Variants in BCL11B observed in about 807,000 individuals in gnomAD.
The protein encoded by BCL11B is BCL11 transcription factor B.
A neutral mutation model predicts 49.9 loss-of-function variants in BCL11B; 8 were observed. The observed-to-expected ratio is 0.16, with a 90% CI of 0.09 to 0.29. BCL11B has a LOEUF of 0.29. Ranked by LOEUF, BCL11B falls within the 10% of genes least tolerant of loss-of-function variation. The probability of loss-of-function intolerance (pLI) is 1.00; values close to 1 mark genes in which losing one functional copy is unlikely to be tolerated. For missense variants in BCL11B, 1,006 were observed against 1,351.0 expected (o/e 0.74, Z 4.00); for synonymous variants, 739 against 637.4 (o/e 1.16, Z -2.40).
chr14:99,200,780 A>G (rs1256837590), intron 3 of BCL11B, among the ~76,000 whole-genome samples: 2 of 152,192 alleles, frequency 1.3e-5, no homozygotes, highest in African/African-American at 2.4e-5. Context: ...CTGGACAAGA[A>G]GCTTCCAGAG....
At chr14:99,204,353 A>C (rs1261283034) in intron 3 of BCL11B, among the ~76,000 whole-genome samples, 2 of 152,054 alleles carry the variant, frequency 1.3e-5, no homozygotes, top group African/African-American at 4.8e-5. Context: ...CAACCTAGCA[A>C]CTGCCCCCGA....
intron 3 of BCL11B, among the ~76,000 whole-genome samples, chr14:99,193,904 T>C (rs1326398727): frequency 1.3e-5 from 2 of 152,190 alleles, no homozygotes; most frequent in Non-Finnish European, 2.9e-5. Flanking sequence ...CTGACCAATC[T>C]GAAGGATTTT....
At chr14:99,191,274 C>T (rs376340429) in intron 3 of BCL11B, among the ~76,000 whole-genome samples, 1 of 151,992 alleles carries the variant, frequency 6.6e-6, no homozygotes, top group Non-Finnish European at 1.5e-5. Flanking sequence ...TGCACATCTA[C>T]GATGCACAGG....
At chr14:99,246,345 A>G (rs964388178) in intron 2 of BCL11B, among the ~76,000 whole-genome samples, 3 of 152,166 alleles carry the variant, frequency 2.0e-5, no homozygotes, top group African/African-American at 7.2e-5. Flanking sequence ...CCGCCCCACC[A>G]AGGCACAATC....
At chr14:99,206,540 T>G (rs1887538569) in intron 3 of BCL11B, among the ~76,000 whole-genome samples, 1 of 152,222 alleles carries the variant, frequency 6.6e-6, no homozygotes, top group South Asian at 2.1e-4. Flanking sequence ...AGCATATCCA[T>G]GCTGTAAGAC....
rs1351726367 is a variant in BCL11B, at chr14:99,232,566, T to A, written c.428-1009A>T. Among the ~76,000 whole-genome samples the A allele has an allele frequency of 6.6e-6, 1 of 152,082 alleles. No homozygotes were observed. Among genetic ancestry groups the A allele is most frequent in the Non-Finnish European group, 1.5e-5 (1 of 68,004 alleles). On this transcript the variant is annotated intron_variant, in intron 2 of 3. Transcript: ENST00000357195. The surrounding 1 kb of genome is among the most constrained non-coding windows in gnomAD (Gnocchi z 5.1). ...GAGGCCCAGCACAGGTCTGCACGGG[T>A]GGGAGTCTGCCCACTCCAGGGCCCC...
intron 2 of BCL11B, among the ~76,000 whole-genome samples, chr14:99,253,462 G>A (rs966174974): frequency 2.0e-5 from 3 of 152,128 alleles, no homozygotes; most frequent in Admixed American, 6.5e-5. Context: ...AGGGAAAGCC[G>A]AGCGCCAGGA....
intron 1 of BCL11B, among the ~76,000 whole-genome samples, chr14:99,265,075 A>G (rs1889442932): frequency 1.3e-5 from 2 of 152,228 alleles, no homozygotes; most frequent in Admixed American, 6.5e-5. Flanking sequence ...AGTGCCGCAC[A>G]GGACCTCAGG....
At position 99,175,204 on chromosome 14, in the gene BCL11B, C is replaced by T; in HGVS notation, c.1632G>A (p.Leu544=). ...CGGGCCGGCTCTCGTTCTCCAGTAG[C>T]AGCTCCTCCTCCTCCTCCTCCTCCT... is the stretch of plus-strand genomic sequence containing the variant. ...DEEEEEEEEE[L]LLENESRPES... Residue 544 remains leucine, a synonymous_variant, in exon 4 of 4, where the codon CTG becomes CTA. Transcript: ENST00000357195. 1 of 1,562,384 alleles carries T rather than the reference C, an allele frequency of 6.4e-7. No homozygotes were observed. Among genetic ancestry groups the T allele is most frequent in the Non-Finnish European group, 8.7e-7 (1 of 1,155,748 alleles).
chr14:99,196,580 T>C (rs1322305461), intron 3 of BCL11B, among the ~76,000 whole-genome samples: 2 of 152,224 alleles, frequency 1.3e-5, no homozygotes, highest in African/African-American at 2.4e-5. Flanking sequence ...CAGCGGCTCA[T>C]GTGCCCTGAC....
intron 3 of BCL11B, among the ~76,000 whole-genome samples, chr14:99,186,215 C>T (rs530644700): frequency 1.4e-4 from 22 of 152,198 alleles, no homozygotes; most frequent in Non-Finnish European, 2.6e-4. Flanking sequence ...CCCTGGTGTT[C>T]ATTCAGAATG....
At chr14:99,246,522 G>A (rs1346527757) in intron 2 of BCL11B, among the ~76,000 whole-genome samples, 1 of 152,220 alleles carries the variant, frequency 6.6e-6, no homozygotes, top group African/African-American at 2.4e-5. Context: ...GCCGGGAAAG[G>A]GGCACCGCTC....
At chr14:99,254,731 G>A (rs1889108484) in intron 2 of BCL11B, among the ~76,000 whole-genome samples, 3 of 152,234 alleles carry the variant, frequency 2.0e-5, no homozygotes, top group Admixed American at 1.3e-4. Flanking sequence ...AGGGACAGCC[G>A]GCCCGGGGGC....
In BCL11B at chr14:99,175,005, C is replaced by A. The variant is rs776605814; in HGVS notation, c.1831G>T (p.Gly611Cys). 6.3e-7 allele frequency: 1 copy of A among 1,588,608 alleles called. No homozygotes were observed. The highest frequency in any genetic ancestry group is 8.5e-7 in the Non-Finnish European group (1 of 1,173,878). ...TTCTGCTTGTCGGCCAGGAGCTCGC[C>A]GTACTGCGGCAGTGCGCCTAGGCCC... ...NVGLGALPQY[G>C]ELLADKQKRG... The change falls in exon 4 of 4, where the codon GGC (glycine) becomes TGC (cysteine). Residue 611 changes from glycine (G) to cysteine (C), a missense_variant. Transcript: ENST00000357195.
intron 3 of BCL11B, among the ~76,000 whole-genome samples, chr14:99,220,196 A>G (rs2614457): frequency 0.47 from 71,710 of 151,956 alleles, 17,531 homozygotes; most frequent in Non-Finnish European, 0.52. Flanking sequence ...AATTCCTCAA[A>G]AAATTAAATA....
At chr14:99,199,682 GTGCGCGCGCGCGCGCACGTGCA>G (rs1887300989) in intron 3 of BCL11B, among the ~76,000 whole-genome samples, 3 of 55,788 alleles carry the variant, frequency 5.4e-5, no homozygotes, top group Non-Finnish European at 1.1e-4. Context: ...GTGTGTGTGT[GTGCGCGCGCGCGCGCACGTGCA>G]CGTGTGTGCG....
At position 99,174,099 on chromosome 14, in the gene BCL11B, T is replaced by C. The variant is rs1369499965; in HGVS notation, c.*52A>G. On this transcript the variant is annotated 3_prime_UTR_variant, in exon 4 of 4. Coordinates refer to ENST00000357195, the MANE Select transcript of BCL11B (RefSeq NM_138576.4). ...GGAGGCAAGTCAGGTCAGCATTCTCTCGGTTGGCAACGGTTCCACTGTACA... is the reference window on the plus strand; with the variant it reads ...GGAGGCAAGTCAGGTCAGCATTCTCCCGGTTGGCAACGGTTCCACTGTACA... 2.2e-5 allele frequency: 34 copies of C among 1,566,260 alleles called. No individual in the cohort carries two copies. The East Asian group carries it at 7.7e-4, about 35-fold the overall frequency.
At chr14:99,260,418 T>C (rs181604656) in intron 1 of BCL11B, among the ~76,000 whole-genome samples, 8 of 152,294 alleles carry the variant, frequency 5.3e-5, no homozygotes, top group Admixed American at 4.6e-4. Context: ...TTTTATTAAC[T>C]TTTTCAGCCT....
intron 2 of BCL11B, among the ~76,000 whole-genome samples, chr14:99,244,849 G>GT (rs1308253472): frequency 6.6e-6 from 1 of 152,190 alleles, no homozygotes; most frequent in Non-Finnish European, 1.5e-5. Context: ...CCCAGCAAGT[G>GT]TAACATACTA....
Sources: allele counts gnomAD v4.1 joint callset (sites outside exome capture counted in the v4.1 genomes callset), GRCh38; gene constraint gnomAD v4.1.1; non-coding constraint Gnocchi (gnomAD v3.1); transcripts MANE v1.5; gene names NCBI Gene and HGNC (gene_info 2026-07-23, HGNC 2026-07-21).